CSMD1: variants seen among roughly 807,000 people sequenced by gnomAD.
The protein encoded by CSMD1 is CUB and Sushi multiple domains 1.
Under a neutral mutation model 417.5 loss-of-function variants are expected in CSMD1, and 213 were observed. The ratio of observed to expected loss-of-function variants is 0.51; its 90% CI spans 0.46 to 0.57. The LOEUF is 0.57. CSMD1 is among the 20% of genes least tolerant of loss of function. The probability of loss-of-function intolerance (pLI) is 0.00; values close to 1 mark genes in which losing one functional copy is unlikely to be tolerated. For synonymous variants in CSMD1, 2,862 were observed against 1,736.8 expected (o/e 1.65, Z -16.11); for missense variants, 6,923 against 4,529.7 (o/e 1.53, Z -15.17).
At chr8:4,366,141 A>G (rs150792453) in intron 3 of CSMD1, among the ~76,000 whole-genome samples, 31 of 152,200 alleles carry the variant, frequency 2.0e-4, no homozygotes, top group Non-Finnish European at 3.8e-4. Flanking sequence ...CACTGTCTTC[A>G]GTGTTTCACT....
chr8:4,753,064 T>C (rs1347603631), intron 1 of CSMD1, among the ~76,000 whole-genome samples: 1 of 152,218 alleles, frequency 6.6e-6, no homozygotes, highest in Admixed American at 6.5e-5. Context: ...TTATCTCATT[T>C]AACCCTCACA....
chr8:4,842,129 C>T (rs1800881965), intron 1 of CSMD1, among the ~76,000 whole-genome samples: 1 of 152,136 alleles, frequency 6.6e-6, no homozygotes, highest in Non-Finnish European at 1.5e-5. Flanking sequence ...AGGCACCAGC[C>T]AAACCGCCTT....
At chr8:4,751,911 T>C (rs1007454468) in intron 1 of CSMD1, among the ~76,000 whole-genome samples, 2 of 152,206 alleles carry the variant, frequency 1.3e-5, no homozygotes, top group African/African-American at 4.8e-5. Context: ...AAAGTGTTAG[T>C]TCCAGAGTCA....
intron 3 of CSMD1, among the ~76,000 whole-genome samples, chr8:4,119,731 C>A (rs1464389572): frequency 6.6e-6 from 1 of 152,190 alleles, no homozygotes; most frequent in African/African-American, 2.4e-5. Flanking sequence ...AACTTCCAGC[C>A]TCCAAACAGT....
chr8:4,845,896 C>A (rs1801112219), intron 1 of CSMD1, among the ~76,000 whole-genome samples: 2 of 152,218 alleles, frequency 1.3e-5, no homozygotes, highest in South Asian at 2.1e-4. Context: ...CCGTGGCTAA[C>A]TAAAATGACA....
At chr8:3,292,525 T>C (rs1210735122) in intron 25 of CSMD1, among the ~76,000 whole-genome samples, 1 of 152,186 alleles carries the variant, frequency 6.6e-6, no homozygotes, top group East Asian at 1.9e-4. Context: ...ATTGGGTACA[T>C]ATATATTTAG....
chr8:3,401,838 T>C (rs947944855), intron 15 of CSMD1, among the ~76,000 whole-genome samples: 5 of 152,164 alleles, frequency 3.3e-5, no homozygotes, highest in Admixed American at 2.6e-4. Context: ...TTCCACCTGA[T>C]GGAGACCAAA....
At chr8:3,915,949 T>C (rs147412234) in intron 5 of CSMD1, among the ~76,000 whole-genome samples, 3 of 151,336 alleles carry the variant, frequency 2.0e-5, no homozygotes, top group Non-Finnish European at 2.9e-5. Context: ...GCTCCAAACT[T>C]TAGGTAAACG....
chr8:3,098,424 T>C (rs548327995), intron 46 of CSMD1, among the ~76,000 whole-genome samples: 140 of 152,344 alleles, frequency 9.2e-4, no homozygotes, highest in Non-Finnish European at 1.9e-3. Context: ...CTTAGCATTC[T>C]AATTAACATA....
chr8:3,075,621 T>A (rs17079274), intron 49 of CSMD1, among the ~76,000 whole-genome samples: 2,565 of 152,170 alleles, frequency 0.017, 61 homozygotes, highest in African/African-American at 0.058. Flanking sequence ...GCCTAATACA[T>A]TTATAGAGGT....
intron 5 of CSMD1, chr8:3,950,102 G>T: frequency 4.7e-6 from 2 of 429,192 alleles, no homozygotes; most frequent in Non-Finnish European, 9.3e-6. Context: ...TAAAGGCAAT[G>T]ATAATAATAA....
At chr8:4,291,634 T>C (rs1319549843) in intron 3 of CSMD1, among the ~76,000 whole-genome samples, 1 of 152,184 alleles carries the variant, frequency 6.6e-6, no homozygotes, top group Non-Finnish European at 1.5e-5. Flanking sequence ...CTTTCTTAAA[T>C]TATAGCCGCA....
intron 1 of CSMD1, among the ~76,000 whole-genome samples, chr8:4,748,301 G>A (rs1027824779): frequency 3.9e-5 from 6 of 152,352 alleles, no homozygotes; most frequent in Admixed American, 2.0e-4. Context: ...TTCTACAAGA[G>A]AAGCCAGAGT....
rs146925162 is a variant in CSMD1, at chr8:4,032,198, G to A, written c.416-99C>T. 3.3e-3 allele frequency: 2,571 copies of A among 789,896 alleles called. 42 individuals are homozygous for A. The African/African-American group carries it at 0.038, about 12-fold the overall frequency. 48.9% of individuals were successfully genotyped at this position (789,896 alleles called of 1,614,324 possible). ...GACACCATTTTTGAATTATTAAAAT[G>A]AGAAAACCTCTAGCATCAGAAAAAT... On this transcript the variant is annotated intron_variant, in intron 3 of 69. Transcript: ENST00000635120.
At chr8:3,275,989 G>C (rs4875469) in intron 26 of CSMD1, among the ~76,000 whole-genome samples, 3 of 152,026 alleles carry the variant, frequency 2.0e-5, no homozygotes, top group Non-Finnish European at 4.4e-5. Flanking sequence ...TGTTCCTTTG[G>C]AGGAGGAGAG....
intron 23 of CSMD1, among the ~76,000 whole-genome samples, chr8:3,341,159 G>A (rs1004830057): frequency 3.3e-5 from 5 of 152,112 alleles, no homozygotes; most frequent in Admixed American, 1.3e-4. Flanking sequence ...AGGCAGGGCT[G>A]AGCCTCGCCC....
chr8:3,269,836 G>A (rs1801707661), intron 26 of CSMD1, among the ~76,000 whole-genome samples: 3 of 152,094 alleles, frequency 2.0e-5, no homozygotes, highest in Admixed American at 2.0e-4. Flanking sequence ...GCTGTGCAGA[G>A]CTGGCAGGAC....
chr8:4,129,264 C>CA lies in CSMD1; in HGVS notation c.416-97166dup, dbSNP rs1350758274. On this transcript the variant is annotated intron_variant, in intron 3 of 69. Transcript: ENST00000635120. ...CTGAGGATGTCTCCTGGGGAGCCTT[C>CA]AGATCTGCTGTCAACAAAACTAGCA... is the stretch of plus-strand genomic sequence containing the variant. 2.6e-5 allele frequency among the ~76,000 whole-genome samples: 4 copies of CA among 152,092 alleles called. No individual in the cohort carries two copies. In the East Asian group the frequency reaches 7.7e-4, roughly 29 times the overall value.
intron 28 of CSMD1, among the ~76,000 whole-genome samples, chr8:3,220,566 C>G (rs970978473): frequency 2.6e-5 from 4 of 152,210 alleles, no homozygotes; most frequent in Admixed American, 2.6e-4. Context: ...AGCACAGTGG[C>G]TCTAGCCTGT....
Sources: gnomAD v4.1 joint callset for allele counts (sites outside exome capture counted in the v4.1 genomes callset) on GRCh38, gnomAD v4.1.1 for gene constraint, MANE v1.5 for transcripts, NCBI Gene and HGNC (gene_info 2026-07-23, HGNC 2026-07-21) for gene names.